MAP3K20: variants seen among roughly 807,000 people sequenced by gnomAD.
The protein encoded by MAP3K20 is HCCS-4.
MAP3K20 carries 40 observed loss-of-function variants against 85.7 expected under a neutral mutation model. The ratio of observed to expected loss-of-function variants is 0.47; its 90% CI spans 0.36 to 0.61. The LOEUF (loss-of-function observed/expected upper bound fraction) is 0.61. Among genes scored for constraint, MAP3K20 ranks in the 20% least tolerant of loss-of-function variants. MAP3K20 has a pLI of 0.00. For missense variants in MAP3K20, 817 were observed against 961.7 expected (o/e 0.85, Z 1.99); for synonymous variants, 325 against 327.7 (o/e 0.99, Z 0.09).
At chr2:173,244,311 A>G (rs1684866992) in intron 16 of MAP3K20, among the ~76,000 whole-genome samples, 1 of 152,220 alleles carries the variant, frequency 6.6e-6, no homozygotes, top group African/African-American at 2.4e-5. Context: ...TTTTGGAACC[A>G]TGAGTATTTT....
intron 16 of MAP3K20, among the ~76,000 whole-genome samples, chr2:173,245,003 C>A (rs565314328): frequency 6.6e-6 from 1 of 152,232 alleles, no homozygotes; most frequent in South Asian, 2.1e-4. Flanking sequence ...TGGATTTCAC[C>A]TTTTCTTTTA....
intron 2 of MAP3K20, among the ~76,000 whole-genome samples, chr2:173,150,355 C>A (rs1251301154): frequency 6.6e-6 from 1 of 152,182 alleles, no homozygotes; most frequent in Non-Finnish European, 1.5e-5. Flanking sequence ...CCTGACCTGA[C>A]TATGCAGGAT....
At chr2:173,203,472 A>T (rs962688995) in intron 8 of MAP3K20, among the ~76,000 whole-genome samples, 2 of 152,120 alleles carry the variant, frequency 1.3e-5, no homozygotes, top group Non-Finnish European at 2.9e-5. Flanking sequence ...ACAGTGACAT[A>T]TGGTTTTATA....
At chr2:173,253,097 C>T (rs964353591) in intron 16 of MAP3K20, among the ~76,000 whole-genome samples, 14 of 152,150 alleles carry the variant, frequency 9.2e-5, no homozygotes, top group Admixed American at 2.0e-4. Context: ...CCAAGTGAGA[C>T]GCGCTGACCC....
At chr2:173,138,916 T>C (rs1001584211) in intron 2 of MAP3K20, among the ~76,000 whole-genome samples, 25 of 152,240 alleles carry the variant, frequency 1.6e-4, no homozygotes, top group Non-Finnish European at 2.9e-4. Context: ...TGTAGCTAAG[T>C]CATTTCAGAC....
chr2:173,174,378 C>T (rs1690093809), intron 3 of MAP3K20, among the ~76,000 whole-genome samples: 1 of 152,128 alleles, frequency 6.6e-6, no homozygotes, highest in Admixed American at 6.5e-5. Context: ...CCCCGACAGG[C>T]CCTGGTGTGT....
At chr2:173,184,313 C>T (rs1277245719) in intron 4 of MAP3K20, among the ~76,000 whole-genome samples, 3 of 152,152 alleles carry the variant, frequency 2.0e-5, no homozygotes, top group Non-Finnish European at 2.9e-5. Flanking sequence ...ACCTTACACA[C>T]GTTTGCATTT....
In MAP3K20 at chr2:173,205,052, A is replaced by G. The variant is rs1247345451; in HGVS notation, c.744+1182A>G. On this transcript the variant is annotated intron_variant, in intron 9 of 19. Transcript: ENST00000375213. ...CGGGAGGCGGAGCTTGCAGTGAGCCAAGATTGCGCCACTGCACTCCAGCCT... is the reference window on the plus strand; with the variant it reads ...CGGGAGGCGGAGCTTGCAGTGAGCCGAGATTGCGCCACTGCACTCCAGCCT... 1.1e-4 allele frequency among the ~76,000 whole-genome samples: 17 copies of G among 150,288 alleles called. 1 individual carries two copies. In the South Asian group the frequency reaches 1.5e-3, roughly 13 times the overall value.
intron 2 of MAP3K20, among the ~76,000 whole-genome samples, chr2:173,126,097 C>A (rs1293654539): frequency 6.6e-6 from 1 of 152,110 alleles, no homozygotes; most frequent in African/African-American, 2.4e-5. Flanking sequence ...AATTAAATTT[C>A]TTTATGGGAC....
intron 2 of MAP3K20, among the ~76,000 whole-genome samples, chr2:173,111,300 T>C (rs573283704): frequency 9.2e-5 from 14 of 152,204 alleles, no homozygotes; most frequent in Non-Finnish European, 1.9e-4. Context: ...TTGATGTGAG[T>C]TTGTTGTAGA....
chr2:173,173,200 G>A (rs1395458734), intron 3 of MAP3K20, among the ~76,000 whole-genome samples: 5 of 142,896 alleles, frequency 3.5e-5, no homozygotes, highest in South Asian at 2.3e-4. Context: ...GTGTGTGTCT[G>A]TGTAAAACAT....
At chr2:173,228,507 T>C (rs771052931) in intron 11 of MAP3K20, among the ~76,000 whole-genome samples, 4 of 152,184 alleles carry the variant, frequency 2.6e-5, no homozygotes, top group African/African-American at 4.8e-5. Context: ...CCAGAGAACT[T>C]AGCATTCCAG....
At chr2:173,237,322 C>T (rs1164896051) in intron 14 of MAP3K20, among the ~76,000 whole-genome samples, 1 of 151,990 alleles carries the variant, frequency 6.6e-6, no homozygotes, top group East Asian at 1.9e-4. Flanking sequence ...CCACCGCACG[C>T]GGCCCCCACC....
chr2:173,165,896 C>A (rs1433397315), intron 2 of MAP3K20, among the ~76,000 whole-genome samples: 1 of 152,110 alleles, frequency 6.6e-6, no homozygotes, highest in Non-Finnish European at 1.5e-5. Flanking sequence ...ATCTCAAACT[C>A]CTGAGTTCAA....
At chr2:173,124,730 G>A (rs1020009014) in intron 2 of MAP3K20, among the ~76,000 whole-genome samples, 1 of 152,188 alleles carries the variant, frequency 6.6e-6, no homozygotes, top group African/African-American at 2.4e-5. Flanking sequence ...CACTCTGCTG[G>A]CAGCCAGACT....
Position 173,202,749 on chromosome 2 carries a change from C to G in MAP3K20, c.670-1047C>G, listed in dbSNP as rs147856924. Among the ~76,000 whole-genome samples, 190 of 152,242 alleles carry G rather than the reference C, an allele frequency of 1.2e-3. 1 individual carries two copies. The highest frequency in any genetic ancestry group is 4.4e-3 in the African/African-American group (183 of 41,546). On this transcript the variant is annotated intron_variant, in intron 8 of 19. Transcript: ENST00000375213. ...AGAACTCAGCAGCTACAAATGCACCCGGATGGAGTTGGGTTGTATTAACGA... is the reference window on the plus strand; with the variant it reads ...AGAACTCAGCAGCTACAAATGCACCGGGATGGAGTTGGGTTGTATTAACGA...
rs1684095693 is a variant in MAP3K20 at position 173,217,104 on chromosome 2, T to C, written c.852-11T>C. ...GTAAAGTTGAGACTTACACCAGCTATCCCCGTGCAGGTGCGAAATTGAGGC... is the reference window on the plus strand; with the variant it reads ...GTAAAGTTGAGACTTACACCAGCTACCCCCGTGCAGGTGCGAAATTGAGGC... On this transcript the variant is annotated splice_polypyrimidine_tract_variant and intron_variant, in intron 10 of 19. Coordinates refer to ENST00000375213, the MANE Select transcript of MAP3K20 (RefSeq NM_016653.3). The C allele has an allele frequency of 1.3e-6, 2 of 1,529,970 alleles. No individual in the cohort carries two copies. Among genetic ancestry groups the C allele is most frequent in the Non-Finnish European group, 1.8e-6 (2 of 1,136,738 alleles). The allele number at this position is 1,529,970 out of a possible 1,614,324, so 94.8% of individuals were successfully genotyped here.
At chr2:173,211,572 T>TTATG (rs1683894807) in intron 10 of MAP3K20, 1 of 152,172 alleles carries the variant, frequency 6.6e-6, no homozygotes, top group African/African-American at 2.4e-5. Flanking sequence ...AGGTTCCACT[T>TTATG]TATGTGCTCT....
chr2:173,176,925 AAAGAT>A (rs1274760606), intron 3 of MAP3K20, among the ~76,000 whole-genome samples: 3 of 152,230 alleles, frequency 2.0e-5, no homozygotes, highest in South Asian at 2.1e-4. Context: ...AAAATACAGC[AAAGAT>A]AAGAAATATT....
Sources: allele counts gnomAD v4.1 joint callset (sites outside exome capture counted in the v4.1 genomes callset), GRCh38; gene constraint gnomAD v4.1.1; transcripts MANE v1.5; gene names NCBI Gene and HGNC (gene_info 2026-07-23, HGNC 2026-07-21).